Variants in LSAMP observed in about 807,000 individuals in gnomAD.
The protein encoded by LSAMP is limbic system-associated membrane protein.
Under a neutral mutation model 38.6 loss-of-function variants are expected in LSAMP, and 7 were observed. The ratio of observed to expected loss-of-function variants is 0.18; its 90% confidence interval spans 0.10 to 0.34. The LOEUF (loss-of-function observed/expected upper bound fraction) is 0.34, where lower values mean the gene tolerates loss of function less well. Ranked by LOEUF, LSAMP falls within the 10% of genes least tolerant of loss-of-function variation. The pLI is 1.00. For missense variants in LSAMP, 313 were observed against 420.0 expected, an observed-to-expected ratio of 0.75 and a Z score of 2.23; for synonymous variants, 154 against 166.8, an observed-to-expected ratio of 0.92 and a Z score of 0.59.
intron 1 of LSAMP, among the ~76,000 whole-genome samples, chr3:116,288,216 T>A (rs2047217523): frequency 6.6e-6 from 1 of 152,196 alleles, no homozygotes; most frequent in South Asian, 2.1e-4. Flanking sequence ...ACTCATGCTC[T>A]CTTTGGAGCA....
intron 3 of LSAMP, among the ~76,000 whole-genome samples, chr3:115,913,998 TAAAAA>T (rs774805235): frequency 4.0e-5 from 6 of 151,782 alleles, no homozygotes; most frequent in African/African-American, 7.3e-5. Flanking sequence ...AATAAAAAGA[TAAAAA>T]GAAAAGAAGG....
Position 115,849,206 on chromosome 3 carries a change from C to A in LSAMP, c.649+3277G>T, listed in dbSNP as rs150391084. Among the ~76,000 whole-genome samples, 737 of 152,320 alleles carry A rather than the reference C, an allele frequency of 4.8e-3. 9 individuals carry two copies. Among genetic ancestry groups the A allele is most frequent in the African/African-American group, 0.017 (704 of 41,568 alleles). On this transcript the variant is annotated intron_variant, in intron 4 of 6. Transcript: ENST00000490035. Reference sequence around the variant, plus strand: ...GATTTTGAGCCAATATTTTAGCTTTCCGTAAATTCCAGGACCTCCTACCAC... The same window carrying A: ...GATTTTGAGCCAATATTTTAGCTTTACGTAAATTCCAGGACCTCCTACCAC...
chr3:116,185,030 C>CTTTTTTTTTTTTTTTTTTTTTT (rs368314567), intron 1 of LSAMP, among the ~76,000 whole-genome samples: 40 of 117,748 alleles, frequency 3.4e-4, no homozygotes, highest in East Asian at 7.0e-4. Context: ...TTCTTTCTTT[C>CTTTTTTTTTTTTTTTTTTTTTT]TTTTTTTTTT....
intron 1 of LSAMP, among the ~76,000 whole-genome samples, chr3:116,277,644 TA>T (rs1184970695): frequency 6.6e-6 from 1 of 152,186 alleles, no homozygotes. Flanking sequence ...GTGCTGGGAT[TA>T]CAGGCGTGAG....
At position 115,841,872 on chromosome 3, in the gene LSAMP, C is replaced by T. The variant is rs200876341; in HGVS notation, c.892G>A (p.Val298Ile). The change falls in exon 6 of 7, where the codon GTC becomes ATC. Residue 298 changes from valine to isoleucine, a missense_variant. Transcript: ENST00000490035. ...YTCVAANKLGVTNASLVLFRP... is the reference protein window; with the variant it reads ...YTCVAANKLGITNASLVLFRP... ...AAAAGGACTAGGCTGGCATTGGTGACCCCCAGCTTGTTGGCAGCCACACAG... is the reference window on the plus strand; with the variant it reads ...AAAAGGACTAGGCTGGCATTGGTGATCCCCAGCTTGTTGGCAGCCACACAG... 6.2e-7 allele frequency: 1 copy of T among 1,613,560 alleles called. No individual in the cohort carries two copies. The highest frequency in any genetic ancestry group is 8.5e-7 in the Non-Finnish European group (1 of 1,179,794).
At chr3:115,993,932 C>T (rs1430182072) in intron 3 of LSAMP, among the ~76,000 whole-genome samples, 4 of 152,022 alleles carry the variant, frequency 2.6e-5, no homozygotes, top group Non-Finnish European at 2.9e-5. Flanking sequence ...AGAAAAAATG[C>T]AGAGATGTCT....
At chr3:116,105,919 T>G (rs2107459889) in intron 1 of LSAMP, among the ~76,000 whole-genome samples, 1 of 152,042 alleles carries the variant, frequency 6.6e-6, no homozygotes, top group Admixed American at 6.5e-5. Context: ...TCAAGCGGGA[T>G]TAGGGGCGGC....
chr3:115,892,480 C>A (rs1041842746), intron 3 of LSAMP, among the ~76,000 whole-genome samples: 4 of 151,900 alleles, frequency 2.6e-5, no homozygotes, highest in Non-Finnish European at 5.9e-5. Flanking sequence ...AGAAGCCAGA[C>A]ACAAAAAGAA....
At chr3:116,064,960 T>G (rs1445649494) in intron 2 of LSAMP, among the ~76,000 whole-genome samples, 1 of 152,206 alleles carries the variant, frequency 6.6e-6, no homozygotes, top group East Asian at 1.9e-4. Context: ...AAGCTCTAAA[T>G]GTGAAGTTCA....
In LSAMP at chr3:116,444,897, C is replaced by A. The variant is rs769467952; in HGVS notation, c.135G>T (p.Gln45His). The change falls in exon 1 of 7, where the codon CAG becomes CAT. Residue 45 changes from glutamine (Q) to histidine (H), a missense_variant. By Grantham distance (24) the Gln-to-His change is conservative. Coordinates refer to ENST00000490035, the MANE Select transcript of LSAMP (RefSeq NM_002338.5). ...CCTACCTGAGGATGGCTGTGTCCCC[C>A]TGCCTCACGGTGATGTTGTCCGTGC... ...NRGTDNITVRQGDTAILRCVV... is the reference protein window; with the variant it reads ...NRGTDNITVRHGDTAILRCVV... 6.2e-7 allele frequency: 1 copy of A among 1,614,156 alleles called. No homozygotes were observed. Among genetic ancestry groups the A allele is most frequent in the South Asian group, 1.1e-5 (1 of 91,084 alleles).
At chr3:116,432,734 A>G (rs1034328535) in intron 1 of LSAMP, among the ~76,000 whole-genome samples, 2 of 152,126 alleles carry the variant, frequency 1.3e-5, no homozygotes, top group African/African-American at 4.8e-5. Flanking sequence ...TCCCAACTTT[A>G]CACAGTAATG....
intron 1 of LSAMP, among the ~76,000 whole-genome samples, chr3:116,132,539 C>T (rs1709157898): frequency 1.3e-5 from 2 of 152,324 alleles, no homozygotes; most frequent in South Asian, 4.1e-4. Context: ...TAATCTTCCA[C>T]CACATAACAT....
chr3:116,123,059 ATTATT>A (rs893823644), intron 1 of LSAMP, among the ~76,000 whole-genome samples: 14 of 152,248 alleles, frequency 9.2e-5, no homozygotes, highest in African/African-American at 3.1e-4. Context: ...AGTCAAAAAA[ATTATT>A]TTGTTTTAAA....
chr3:116,261,342 C>T (rs1234113583), intron 1 of LSAMP, among the ~76,000 whole-genome samples: 1 of 152,148 alleles, frequency 6.6e-6, no homozygotes, highest in Non-Finnish European at 1.5e-5. Context: ...CTCACCTTAC[C>T]TTATAAATAG....
intron 1 of LSAMP, among the ~76,000 whole-genome samples, chr3:116,251,110 G>A (rs1366620105): frequency 6.6e-6 from 1 of 152,180 alleles, no homozygotes; most frequent in East Asian, 1.9e-4. Flanking sequence ...GATAAGATAT[G>A]TGGTTTCAAG....
chr3:115,838,876 G>A (rs1308918213), intron 6 of LSAMP, among the ~76,000 whole-genome samples: 6 of 152,176 alleles, frequency 3.9e-5, no homozygotes, highest in Admixed American at 2.0e-4. Context: ...CTGAAAATGC[G>A]CTGACACACC....
In LSAMP at chr3:115,806,932, T is replaced by G. The variant is rs1409513392; in HGVS notation, c.*3385A>C. 2.0e-5 allele frequency: 3 copies of G among 152,198 alleles called. No individual in the cohort carries two copies. The highest frequency in any genetic ancestry group is 4.4e-5 in the Non-Finnish European group (3 of 68,040). The allele number at this position is 152,198 out of a possible 1,614,324, so 9.4% of individuals were successfully genotyped here. A position where few individuals can be genotyped will look rare whatever the true frequency, so the allele number is the denominator to read the frequency against. Reference sequence around the variant, plus strand: ...GGAAGCACCCTGGGTCAAAGTCATTTCTGTTTTTGTTAACTGAAAGTTGGG... The same window carrying G: ...GGAAGCACCCTGGGTCAAAGTCATTGCTGTTTTTGTTAACTGAAAGTTGGG... On this transcript the variant is annotated 3_prime_UTR_variant, in exon 7 of 7. Transcript: ENST00000490035.
At chr3:116,375,815 T>C (rs1471112219) in intron 1 of LSAMP, among the ~76,000 whole-genome samples, 2 of 151,996 alleles carry the variant, frequency 1.3e-5, no homozygotes, top group Admixed American at 1.3e-4. Flanking sequence ...CGACTCTCTT[T>C]AGTGTTTTTA....
chr3:116,167,929 G>C (rs950012823), intron 1 of LSAMP, among the ~76,000 whole-genome samples: 1 of 152,122 alleles, frequency 6.6e-6, no homozygotes, highest in South Asian at 2.1e-4. Context: ...AGCAGTGAGA[G>C]TAAAGTAGCA....
Sources: allele counts gnomAD v4.1 joint callset (sites outside exome capture counted in the v4.1 genomes callset), GRCh38; gene constraint gnomAD v4.1.1; transcripts MANE v1.5; gene names NCBI Gene and HGNC (gene_info 2026-07-23, HGNC 2026-07-21).